The following GSTA5 variants were observed in gnomAD, a reference collection of about 807,000 sequenced individuals.
The protein encoded by GSTA5 is glutathione S-transferase alpha 5, also known as glutathione S-transferase A5.
A neutral mutation model predicts 21.8 loss-of-function variants in GSTA5; 25 were observed. The observed-to-expected ratio is 1.14, with a 90% CI of 0.83 to 1.60. The LOEUF (loss-of-function observed/expected upper bound fraction) is 1.60. Ranked by LOEUF, GSTA5 falls within the 40% of genes most tolerant of loss-of-function variation. The pLI is 0.00. For missense variants in GSTA5, 330 were observed against 259.2 expected, an observed-to-expected ratio of 1.27 and a Z score of -1.88; for synonymous variants, 102 against 89.5, an observed-to-expected ratio of 1.14 and a Z score of -0.78.
exon 1 of GSTA5, chr6:52,840,747 G>A (rs1561927906): frequency 1.9e-6 from 3 of 1,614,104 alleles, no homozygotes; most frequent in Non-Finnish European, 2.5e-6. Flanking sequence ...GCTGCAGCCA[G>A]GAGCCACCGA....
At chr6:52,831,949 T>G in exon 6 of GSTA5, 1 of 1,613,452 alleles carries the variant, frequency 6.2e-7, no homozygotes, top group Non-Finnish European at 8.5e-7. Context: ...GTGGGCAGGT[T>G]GCTGATTCTG....
At chr6:52,832,403 T>C (rs530733331) in intron 5 of GSTA5, among the ~76,000 whole-genome samples, 4 of 152,162 alleles carry the variant, frequency 2.6e-5, no homozygotes, top group African/African-American at 9.6e-5. Context: ...AGATACAGTG[T>C]CAGGGGCAGA....
At chr6:52,836,031 C>T (rs960778886) in intron 3 of GSTA5, among the ~76,000 whole-genome samples, 2 of 152,190 alleles carry the variant, frequency 1.3e-5, no homozygotes, top group African/African-American at 4.8e-5. Context: ...ACTGCATCCT[C>T]TTTTAGAATC....
intron 3 of GSTA5, 22 bp downstream of exon 3, chr6:52,836,214 A>T: frequency 6.2e-7 from 1 of 1,610,634 alleles, no homozygotes; most frequent in Non-Finnish European, 8.5e-7. Context: ...CTGTGGATGG[A>T]AGAACAGAAA....
At chr6:52,845,173 C>G (rs1764437054), upstream of GSTA5, among the ~76,000 whole-genome samples, 1 of 152,102 alleles carries the variant, frequency 6.6e-6, no homozygotes, top group Non-Finnish European at 1.5e-5. Flanking sequence ...ATGATATTCA[C>G]TAATCAGTCC....
At chr6:52,839,314 C>T (rs538750796) in intron 1 of GSTA5, among the ~76,000 whole-genome samples, 210 of 152,322 alleles carry the variant, frequency 1.4e-3, no homozygotes, top group Middle Eastern at 3.4e-3. Context: ...TCCTCCCAGC[C>T]TTGCCCCTCC....
upstream of GSTA5, among the ~76,000 whole-genome samples, chr6:52,843,273 G>A (rs570856192): frequency 3.3e-4 from 50 of 152,266 alleles, no homozygotes; most frequent in African/African-American, 1.1e-3. Context: ...ACCCAGTAAT[G>A]GGATTGCTGG....
chr6:52,831,747 T>A (rs1764217477), exon 6 of GSTA5: 1 of 1,360,852 alleles, frequency 7.3e-7, no homozygotes, highest in African/African-American at 1.5e-5. Context: ...AAGAGTTTAT[T>A]AGCTTTACAA....
chr6:52,841,159 C>G (rs1043163570), upstream of GSTA5, among the ~76,000 whole-genome samples: 6 of 152,218 alleles, frequency 3.9e-5, no homozygotes, highest in Admixed American at 3.9e-4. Flanking sequence ...TCCTCATGAT[C>G]CTTCCTCAAT....
upstream of GSTA5, among the ~76,000 whole-genome samples, chr6:52,841,306 A>C (rs1764375066): frequency 6.6e-6 from 1 of 152,054 alleles, no homozygotes; most frequent in Non-Finnish European, 1.5e-5. Context: ...TTGGTGATGG[A>C]CATGAATATC....
At chr6:52,837,923 G>T (rs1365188610) in intron 1 of GSTA5, among the ~76,000 whole-genome samples, 1 of 152,206 alleles carries the variant, frequency 6.6e-6, no homozygotes, top group Non-Finnish European at 1.5e-5. Context: ...CCTAGTTATG[G>T]TGTTGTCATA....
At chr6:52,834,556 A>G (rs1232267200) in intron 3 of GSTA5, among the ~76,000 whole-genome samples, 2 of 152,216 alleles carry the variant, frequency 1.3e-5, no homozygotes, top group African/African-American at 4.8e-5. Context: ...TACAGGAAAA[A>G]GAGCATCGGT....
chr6:52,839,644 C>T (rs1764345034), intron 1 of GSTA5, among the ~76,000 whole-genome samples: 1 of 152,124 alleles, frequency 6.6e-6, no homozygotes, highest in South Asian at 2.1e-4. Flanking sequence ...CTGCTGCCAC[C>T]CGAGGGACAA....
upstream of GSTA5, among the ~76,000 whole-genome samples, chr6:52,843,508 T>C (rs545816248): frequency 3.3e-5 from 5 of 152,374 alleles, no homozygotes; most frequent in South Asian, 1.0e-3. Context: ...CCAGTGATGA[T>C]GAGCTTTTTT....
At position 52,834,137 on chromosome 6, in the gene GSTA5, T is replaced by C. The variant is rs1561925961; in HGVS notation, c.414+4A>G. Reference sequence around the variant, plus strand: ...TCCCCTAAACATTGAACAGCTTCACTTACTTTTTCAAAGGCAGGGAAGTAG... The same window carrying C: ...TCCCCTAAACATTGAACAGCTTCACCTACTTTTTCAAAGGCAGGGAAGTAG... On this transcript the variant is annotated splice_donor_region_variant and intron_variant, in intron 4 of 5. Transcript: ENST00000370989. 5 of 1,614,176 alleles carry C rather than the reference T, an allele frequency of 3.1e-6. No homozygotes were observed. Among genetic ancestry groups the C allele is most frequent in the Non-Finnish European group, 4.2e-6 (5 of 1,180,018 alleles).
chr6:52,845,797 T>C (rs1298719743), upstream of GSTA5, among the ~76,000 whole-genome samples: 2 of 152,216 alleles, frequency 1.3e-5, no homozygotes, highest in Admixed American at 6.5e-5. Flanking sequence ...ATTTCTTTTT[T>C]CTCCTCATGT....
chr6:52,834,355 A>G (rs1764263947), intron 3 of GSTA5, 73 bp from the exon 4 acceptor site: 7 of 1,470,540 alleles, frequency 4.8e-6, no homozygotes, highest in South Asian at 2.6e-5. Flanking sequence ...AAACCTAAGA[A>G]AATAGAGGGT....
At chr6:52,845,833 T>C (rs183711041), upstream of GSTA5, among the ~76,000 whole-genome samples, 2 of 152,348 alleles carry the variant, frequency 1.3e-5, no homozygotes, top group Admixed American at 6.5e-5. Context: ...CATTAAATGC[T>C]GAGGCCCTGG....
chr6:52,835,064 T>C (rs1764273420), intron 3 of GSTA5, among the ~76,000 whole-genome samples: 1 of 152,248 alleles, frequency 6.6e-6, no homozygotes. Flanking sequence ...TTGAGTGGTT[T>C]TTGGTGGATT....
Sources: allele counts gnomAD v4.1 joint callset (sites outside exome capture counted in the v4.1 genomes callset), GRCh38; gene constraint gnomAD v4.1.1; transcripts MANE v1.5; gene names NCBI Gene and HGNC (gene_info 2026-07-23, HGNC 2026-07-21).